The following CTNNA3 variants were observed in gnomAD, a reference collection of about 807,000 sequenced individuals.
The protein encoded by CTNNA3 is catenin alpha-3.
CTNNA3 carries 76 observed loss-of-function variants against 95.7 expected under a neutral mutation model. That is an observed-to-expected ratio of 0.79 (90% CI 0.66 to 0.96). CTNNA3 has a LOEUF of 0.96. Among genes scored for constraint, CTNNA3 ranks in the 40% least tolerant of loss-of-function variants. The pLI, the probability that CTNNA3 is intolerant of heterozygous loss-of-function variation, is 0.00. For synonymous variants in CTNNA3, 431 were observed against 374.4 expected (o/e 1.15, Z -1.74); for missense variants, 1,191 against 1,089.8 (o/e 1.09, Z -1.31).
intron 5 of CTNNA3, among the ~76,000 whole-genome samples, chr10:67,388,516 T>C (rs1589242016): frequency 1.5e-5 from 2 of 135,724 alleles, no homozygotes; most frequent in African/African-American, 5.6e-5. Context: ...ACTTCCCCAA[T>C]CTAGCAAGGC....
At chr10:66,682,515 C>T (rs937042769) in intron 9 of CTNNA3, among the ~76,000 whole-genome samples, 9 of 151,948 alleles carry the variant, frequency 5.9e-5, no homozygotes, top group African/African-American at 2.2e-4. Flanking sequence ...TCTAATACTA[C>T]ATGTTTGGTA....
intron 10 of CTNNA3, among the ~76,000 whole-genome samples, chr10:66,597,552 A>ATATATTTATT (rs1246174021): frequency 1.5e-5 from 2 of 130,550 alleles, no homozygotes; most frequent in South Asian, 2.4e-4. Context: ...ATATATATAT[A>ATATATTTATT]TATTTATTAA....
intron 2 of CTNNA3, among the ~76,000 whole-genome samples, chr10:67,620,465 A>G (rs947913966): frequency 6.6e-6 from 1 of 152,204 alleles, no homozygotes; most frequent in African/African-American, 2.4e-5. Flanking sequence ...AAAAAGACTG[A>G]GCATTTACCA....
At chr10:67,276,389 A>G (rs1257017339) in intron 5 of CTNNA3, among the ~76,000 whole-genome samples, 1 of 152,146 alleles carries the variant, frequency 6.6e-6, no homozygotes, top group Non-Finnish European at 1.5e-5. Flanking sequence ...TGCCTTTCTA[A>G]AATTCTATGC....
At chr10:66,810,656 T>C (rs1215266532) in intron 7 of CTNNA3, among the ~76,000 whole-genome samples, 1 of 152,190 alleles carries the variant, frequency 6.6e-6, no homozygotes, top group African/African-American at 2.4e-5. Context: ...CTTAAAATCT[T>C]CAATGTTTTC....
chr10:66,564,008 C>A (rs1842631172), intron 10 of CTNNA3, among the ~76,000 whole-genome samples: 1 of 152,022 alleles, frequency 6.6e-6, no homozygotes, highest in Non-Finnish European at 1.5e-5. Flanking sequence ...CAAGCTGTAC[C>A]TCCACCACCT....
At chr10:66,662,623 A>G (rs954225047) in intron 9 of CTNNA3, among the ~76,000 whole-genome samples, 2 of 152,072 alleles carry the variant, frequency 1.3e-5, no homozygotes, top group Non-Finnish European at 2.9e-5. Context: ...CCTAAGGCCA[A>G]TCCTTCCTCT....
intron 17 of CTNNA3, among the ~76,000 whole-genome samples, chr10:65,945,471 C>G (rs2077502171): frequency 2.0e-5 from 3 of 152,136 alleles, no homozygotes; most frequent in South Asian, 4.1e-4. Flanking sequence ...TAAGTCCTGC[C>G]CAAGGAAAGA....
chr10:66,236,516 C>T (rs1426290272), intron 13 of CTNNA3, among the ~76,000 whole-genome samples: 2 of 152,060 alleles, frequency 1.3e-5, no homozygotes, highest in African/African-American at 2.4e-5. Flanking sequence ...TGTCACCTGT[C>T]AGTTTTTATA....
At chr10:66,066,824 T>C (rs1030724859) in intron 15 of CTNNA3, among the ~76,000 whole-genome samples, 7 of 152,156 alleles carry the variant, frequency 4.6e-5, no homozygotes, top group African/African-American at 1.7e-4. Flanking sequence ...TATGAGAATA[T>C]CTATGCATCC....
At chr10:67,742,285 A>C (rs147040541) in intron 1 of CTNNA3, among the ~76,000 whole-genome samples, 2,630 of 151,368 alleles carry the variant, frequency 0.017, 161 homozygotes, top group Non-Finnish European at 0.019. Context: ...AAAGAACAGA[A>C]ATTATAACAA....
At chr10:67,229,298 G>A (rs1011934992) in intron 5 of CTNNA3, among the ~76,000 whole-genome samples, 3 of 152,094 alleles carry the variant, frequency 2.0e-5, no homozygotes, top group African/African-American at 4.8e-5. Flanking sequence ...CAGGAAAATC[G>A]GCATACAAGG....
At chr10:66,210,554 G>A (rs181396398) in intron 13 of CTNNA3, among the ~76,000 whole-genome samples, 1 of 151,748 alleles carries the variant, frequency 6.6e-6, no homozygotes, top group Non-Finnish European at 1.5e-5. Flanking sequence ...CTATTGTTTC[G>A]ATAAGATTTT....
At chr10:67,526,159 T>C (rs969445796) in intron 4 of CTNNA3, among the ~76,000 whole-genome samples, 3 of 152,194 alleles carry the variant, frequency 2.0e-5, no homozygotes, top group Non-Finnish European at 2.9e-5. Flanking sequence ...TAATCTACCT[T>C]ACTTAAATAT....
chr10:67,377,279 A>G (rs1462880964), intron 5 of CTNNA3, among the ~76,000 whole-genome samples: 1 of 152,228 alleles, frequency 6.6e-6, no homozygotes, highest in Admixed American at 6.5e-5. Flanking sequence ...ATGTGTATGT[A>G]GCAGCATCAG....
chr10:67,035,847 G>T (rs750248876), intron 7 of CTNNA3, among the ~76,000 whole-genome samples: 1 of 152,130 alleles, frequency 6.6e-6, no homozygotes, highest in Non-Finnish European at 1.5e-5. Flanking sequence ...CAAAGAAACT[G>T]TCCAGTACAT....
rs866610368 is a variant in CTNNA3, at chr10:66,246,329, G to A, written c.1884+34141C>T. ...CCACAACTGCGCCCAGGGTTGGGGG[G>A]TGGGGCTCCTGCTGGCTCCATGGAG... On this transcript the variant is annotated intron_variant, in intron 13 of 17. Coordinates refer to ENST00000433211, the MANE Select transcript of CTNNA3 (RefSeq NM_013266.4). Among the ~76,000 whole-genome samples the A allele has an allele frequency of 4.6e-5, 7 of 152,214 alleles. No homozygotes were observed. The East Asian group carries it at 7.8e-4, about 17-fold the overall frequency.
At chr10:66,537,144 C>T (rs1274736234) in intron 10 of CTNNA3, among the ~76,000 whole-genome samples, 3 of 151,770 alleles carry the variant, frequency 2.0e-5, no homozygotes, top group Admixed American at 6.6e-5. Context: ...CCAAATAACT[C>T]GAGTGGTTTC....
At chr10:66,621,078 C>T (rs572963536) in intron 10 of CTNNA3, among the ~76,000 whole-genome samples, 78 of 152,180 alleles carry the variant, frequency 5.1e-4, no homozygotes, top group Non-Finnish European at 1.0e-3. Context: ...TAAGAAACAT[C>T]TGAATTACCG....
Sources: gnomAD v4.1 joint callset for allele counts (sites outside exome capture counted in the v4.1 genomes callset) on GRCh38, gnomAD v4.1.1 for gene constraint, MANE v1.5 for transcripts, NCBI Gene and HGNC (gene_info 2026-07-23, HGNC 2026-07-21) for gene names.